RPL3: variants seen among roughly 807,000 people sequenced by gnomAD.
RPL3 encodes the protein large ribosomal subunit protein uL3.
In RPL3, 3 loss-of-function variants were observed where a neutral mutation model predicts 46.0. The observed-to-expected ratio is 0.07, with a 90% CI of 0.03 to 0.17. The LOEUF is 0.17. Among genes scored for constraint, RPL3 ranks in the 10% least tolerant of loss-of-function variants. The pLI is 1.00. For missense variants in RPL3, 387 were observed against 532.7 expected, an observed-to-expected ratio of 0.73 and a Z score of 2.69; for synonymous variants, 224 against 190.8, an observed-to-expected ratio of 1.17 and a Z score of -1.43.
At chr22:39,316,966 C>A in intron 3 of RPL3, 125 bp from the exon 4 acceptor site, 1 of 1,485,958 alleles carries the variant, frequency 6.7e-7, no homozygotes, top group Non-Finnish European at 9.4e-7. Context: ...TCTAAGGAGC[C>A]TTTTCCACCA....
At chr22:39,314,451 G>A (rs1041945471) in intron 6 of RPL3, 1 of 630,880 alleles carries the variant, frequency 1.6e-6, no homozygotes, top group African/African-American at 1.8e-5. Context: ...GTGGCATCAG[G>A]GACCAATAAG....
rs562905187 is a variant in RPL3 at position 39,314,849 on chromosome 22, G to A, written c.689-3C>T. On this transcript the variant is annotated splice_region_variant and splice_polypyrimidine_tract_variant and intron_variant, in intron 5 of 9. Transcript: ENST00000216146. ...GGTGTGCCAACGACTGGTGACCCCT[G>A]GAATGGATACACATTACTTCACCTC... The A allele has an allele frequency of 5.0e-6, 8 of 1,612,588 alleles. No homozygotes were observed. In the South Asian group the frequency reaches 5.5e-5, roughly 11 times the overall value.
At position 39,315,418 on chromosome 22, in the gene RPL3, C is replaced by T; in HGVS notation, c.639G>A (p.Gln213=). 1.9e-6 allele frequency: 3 copies of T among 1,614,000 alleles called. No individual in the cohort carries two copies. The highest frequency in any genetic ancestry group is 2.5e-6 in the Non-Finnish European group (3 of 1,180,048). ...CCCCGATGACGTCGATCATCTCATC[C>T]TGCCCAAACACTTGGTTCACAGGTA... ...QQVPVNQVFG[Q]DEMIDVIGVT... is the part of the protein sequence containing the mutation. The change falls in exon 5 of 10, where the codon CAG becomes CAA. Residue 213 remains glutamine (Q), a synonymous_variant. Transcript: ENST00000216146.
intron 7 of RPL3, 122 bp downstream of exon 7, chr22:39,313,985 G>A: frequency 7.8e-6 from 7 of 897,434 alleles, no homozygotes; most frequent in Non-Finnish European, 1.1e-5. Context: ...ACTTACAAGG[G>A]ACACAGCTAG....
intron 3 of RPL3, chr22:39,317,100 C>T (rs470081): frequency 0.85 from 527,216 of 617,926 alleles, 225,727 homozygotes; most frequent in East Asian, 1. Flanking sequence ...CCTTTCTGCC[C>T]TGGGGAAGCC....
intron 1 of RPL3, chr22:39,319,290 T>C (rs1196180173): frequency 1.7e-5 from 9 of 541,864 alleles, no homozygotes; most frequent in Non-Finnish European, 3.0e-5. Context: ...TCCCAACTAA[T>C]GATAGAATTG....
rs1486229037 is a variant in RPL3 at position 39,318,424 on chromosome 22, G to A, written c.172C>T (p.Arg58Trp). The A allele has an allele frequency of 1.9e-6, 3 of 1,613,730 alleles. No individual in the cohort carries two copies. Among genetic ancestry groups the A allele is most frequent in the Non-Finnish European group, 1.7e-6 (2 of 1,179,884 alleles). The change falls in exon 2 of 10, where the codon CGG (arginine) becomes TGG (tryptophan). Residue 58 changes from arginine to tryptophan, a missense_variant. By Grantham distance (101) the Arg-to-Trp change is moderately radical (BLOSUM62 -3). Transcript: ENST00000216146. ...GYKAGMTHIV[R>W]EVDRPGSKVN... ...CTGGATCCCGGCCTGTCGACTTCCC[G>A]CACGATGTGAGTCATGCCAGCCTTG...
intron 6 of RPL3, 82 bp from the exon 7 acceptor site, chr22:39,314,290 G>A (rs1000404930): frequency 7.4e-5 from 89 of 1,210,502 alleles, no homozygotes; most frequent in Non-Finnish European, 9.8e-5. Flanking sequence ...TGCAAAGCAC[G>A]CTAGAAGGCA....
chr22:39,317,778 T>C (rs1210943842), intron 2 of RPL3, 149 bp from the exon 3 acceptor site: 6 of 770,644 alleles, frequency 7.8e-6, no homozygotes, highest in Non-Finnish European at 1.3e-5. Flanking sequence ...CCTTACTGCC[T>C]ATCTCTCATT....
chr22:39,313,368 C>T (rs1415783162), intron 8 of RPL3, 58 bp from the exon 9 acceptor site: 2 of 1,600,682 alleles, frequency 1.2e-6, no homozygotes, highest in Non-Finnish European at 1.7e-6. Flanking sequence ...TTCCTCAGCA[C>T]TGTTCACAGC....
At chr22:39,319,532 G>A (rs1388852941) in intron 1 of RPL3, 63 bp downstream of exon 1, 5 of 1,552,724 alleles carry the variant, frequency 3.2e-6, no homozygotes, top group South Asian at 1.2e-5. Flanking sequence ...TGGCGGCGAT[G>A]CGTCGCGGAT....
chr22:39,315,712 A>G (rs923248467), intron 4 of RPL3, among the ~76,000 whole-genome samples, 157 bp from the exon 5 acceptor site: 2 of 152,192 alleles, frequency 1.3e-5, no homozygotes, highest in African/African-American at 4.8e-5. Flanking sequence ...AGGAACTTTC[A>G]TTTTTGCCAA....
Position 39,319,061 on chromosome 22 carries a change from G to GT in RPL3, c.4-470dup, listed in dbSNP as rs776411399. The GT allele has an allele frequency of 8.6e-5, 46 of 537,436 alleles. No homozygotes were observed. The East Asian group carries it at 1.5e-3, about 17-fold the overall frequency. 33.3% of individuals were successfully genotyped at this position (537,436 alleles called of 1,614,324 possible). ...GAACTCCGCAGAGCCAAATCAGAAC[G>GT]TGACAATCAGCACACAGTTTCTGTC... is the stretch of plus-strand genomic sequence containing the variant. On this transcript the variant is annotated intron_variant, in intron 1 of 9. Coordinates refer to ENST00000216146, the MANE Select transcript of RPL3 (RefSeq NM_000967.4).
intron 3 of RPL3, 59 bp from the exon 4 acceptor site, chr22:39,316,900 G>C (rs527617648): frequency 6.2e-7 from 1 of 1,612,578 alleles, no homozygotes; most frequent in Admixed American, 1.7e-5. Flanking sequence ...TCACCCCTCC[G>C]AGGGGTGAGC....
In RPL3 at chr22:39,313,831, A is replaced by G. The variant is rs115694446; in HGVS notation, c.952-102T>C. Reference sequence around the variant, plus strand: ...CCCTGACCACAGGGCTGTTCTCAGAAGGAAGGCAACAAGGAACGGTTCCGC... The same window carrying G: ...CCCTGACCACAGGGCTGTTCTCAGAGGGAAGGCAACAAGGAACGGTTCCGC... On this transcript the variant is annotated intron_variant, in intron 7 of 9. Transcript: ENST00000216146. 511 of 1,107,750 alleles carry G rather than the reference A, an allele frequency of 4.6e-4. 2 individuals carry two copies. In the African/African-American group the frequency reaches 7.3e-3, roughly 16 times the overall value. 68.6% of individuals were successfully genotyped at this position (1,107,750 alleles called of 1,614,324 possible). A position where few individuals can be genotyped will look rare whatever the true frequency, so the allele number is the denominator to read the frequency against.
At chr22:39,313,788 C>G (rs1369987458) in intron 7 of RPL3, 59 bp from the exon 8 acceptor site, 1 of 1,497,112 alleles carries the variant, frequency 6.7e-7, no homozygotes, top group African/African-American at 1.4e-5. Context: ...GCAGATGACC[C>G]CTCCAGGTTC....
Position 39,318,545 on chromosome 22 carries a change from C to T in RPL3, c.51G>A (p.Leu17=), listed in dbSNP as rs1922849243. ...SAPRHGSLGF[L]PRKRSSRHRG... ...GATGCCTGCTGCTGCGCTTCCGAGG[C>T]AGGAAGCCGAGGGACCCATGTCTGG... The change falls in exon 2 of 10, where the codon CTG becomes CTA. Residue 17 remains leucine (L), a synonymous_variant. Coordinates refer to ENST00000216146, the MANE Select transcript of RPL3 (RefSeq NM_000967.4). 1.9e-6 allele frequency: 3 copies of T among 1,613,176 alleles called. No individual in the cohort carries two copies. The highest frequency in any genetic ancestry group is 2.2e-5 in the South Asian group (2 of 90,990).
chr22:39,317,073 T>A, intron 3 of RPL3: 1 of 653,316 alleles, frequency 1.5e-6, no homozygotes, highest in South Asian at 1.9e-5. Context: ...CAAACAAAAT[T>A]CTTGCTCCGG....
rs1276314789 is a variant in RPL3, at chr22:39,318,492, T to C, written c.104A>G (p.Asp35Gly). Residue 35 changes from aspartate (D) to glycine (G), a missense_variant, in exon 2 of 10, where the codon GAT (aspartate) becomes GGT (glycine). This residue lies in a region of RPL3 where 196 missense variants were observed against 217.5 expected (regional missense o/e 0.90). Transcript: ENST00000216146. ...GAGGTGGACCGGCTTGGACGGGTCATCCTTAGGGAAGCTCTTCACCTTCCC... is the reference window on the plus strand; with the variant it reads ...GAGGTGGACCGGCTTGGACGGGTCACCCTTAGGGAAGCTCTTCACCTTCCC... ...HRGKVKSFPK[D>G]DPSKPVHLTA... is the part of the protein sequence containing the mutation. 1.9e-6 allele frequency: 3 copies of C among 1,613,892 alleles called. No individual in the cohort carries two copies. Among genetic ancestry groups the C allele is most frequent in the East Asian group, 2.2e-5 (1 of 44,888 alleles).
Sources: gnomAD v4.1 joint callset for allele counts (sites outside exome capture counted in the v4.1 genomes callset) on GRCh38, gnomAD v4.1.1 for gene constraint, gnomAD v4.1.1 regional missense constraint, MANE v1.5 for transcripts, NCBI Gene and HGNC (gene_info 2026-07-23, HGNC 2026-07-21) for gene names.